Variants in WDR86 observed in about 807,000 individuals in gnomAD.
WDR86 encodes WD repeat-containing protein 86.
Under a neutral mutation model 36.5 loss-of-function variants are expected in WDR86, and 30 were observed. That is an observed-to-expected ratio of 0.82 (90% confidence interval 0.61 to 1.11). The LOEUF (loss-of-function observed/expected upper bound fraction) is 1.11. Ranked by LOEUF, WDR86 falls within the 50% of genes most tolerant of loss-of-function variation. The pLI is 0.00. For missense variants in WDR86, 545 were observed against 561.2 expected, an observed-to-expected ratio of 0.97 and a Z score of 0.29; for synonymous variants, 255 against 252.9, an observed-to-expected ratio of 1.01 and a Z score of -0.08.
At position 151,401,742 on chromosome 7, in the gene WDR86, G is replaced by A. The variant is rs1012165180; in HGVS notation, c.164-1501C>T. 8.6e-5 allele frequency among the ~76,000 whole-genome samples: 13 copies of A among 151,800 alleles called. No individual in the cohort carries two copies. The highest frequency in any genetic ancestry group is 2.4e-4 in the African/African-American group (10 of 41,322). On this transcript the variant is annotated intron_variant, in intron 1 of 5. Coordinates refer to ENST00000334493, the MANE Select transcript of WDR86 (RefSeq NM_198285.3). This position sits in a 1 kb window ranked among gnomAD's most constrained non-coding sequence, Gnocchi z 4.3. ...CTGGGGAGATTATCCTAGATTATCC[G>A]GGGGGTCCTAAATACAACCGCAAGT...
Position 151,409,908 on chromosome 7 carries a change from C to G in WDR86, c.-319G>C, listed in dbSNP as rs1801088436. 1 of 1,113,382 alleles carries G rather than the reference C, an allele frequency of 9.0e-7. No individual in the cohort carries two copies. The highest frequency in any genetic ancestry group is 1.6e-5 in the African/African-American group (1 of 61,432). 69.0% of individuals were successfully genotyped at this position (1,113,382 alleles called of 1,614,324 possible). A position where few individuals can be genotyped will look rare whatever the true frequency, so the allele number is the denominator to read the frequency against. On this transcript the variant is annotated 5_prime_UTR_variant, in exon 1 of 6. Coordinates refer to ENST00000334493, the MANE Select transcript of WDR86 (RefSeq NM_198285.3). This position sits in a 1 kb window ranked among gnomAD's most constrained non-coding sequence, Gnocchi z 5.2. ...GAGGATCCACACCCCACCGGGCGAA[C>G]AAGGCAGCTGCGTCTCTGGTGCACA... is the stretch of plus-strand genomic sequence containing the variant.
chr7:151,383,430 C>A (rs542974236), intron 4 of WDR86, among the ~76,000 whole-genome samples: 1 of 149,424 alleles, frequency 6.7e-6, no homozygotes, highest in African/African-American at 2.5e-5. Context: ...GCCTAGACTG[C>A]GCCATTTCAC....
rs1444221177 is a variant in WDR86, at chr7:151,406,269, G to A, written c.163+3158C>T. Among the ~76,000 whole-genome samples the A allele has an allele frequency of 3.3e-5, 5 of 152,238 alleles. No individual in the cohort carries two copies. Among genetic ancestry groups the A allele is most frequent in the East Asian group, 1.9e-4 (1 of 5,164 alleles). ...ACCAACCCCGCACGCCACAGGGAAC[G>A]GCCTTCACTCTTCCTCTCCCTCTCA... On this transcript the variant is annotated intron_variant, in intron 1 of 5. Coordinates refer to ENST00000334493, the MANE Select transcript of WDR86 (RefSeq NM_198285.3). This position sits in a 1 kb window ranked among gnomAD's most constrained non-coding sequence, Gnocchi z 4.4.
Position 151,401,309 on chromosome 7 carries a change from C to G in WDR86, c.164-1068G>C, listed in dbSNP as rs1481885219. Among the ~76,000 whole-genome samples, 2 of 152,216 alleles carry G rather than the reference C, an allele frequency of 1.3e-5. No homozygotes were observed. The highest frequency in any genetic ancestry group is 2.9e-5 in the Non-Finnish European group (2 of 68,042). ...TTCTGTTAAACTAAGAAGACAAGAA[C>G]TGAGGTTTCACAGCAGCCATCAACA... On this transcript the variant is annotated intron_variant, in intron 1 of 5. Transcript: ENST00000334493. This position sits in a 1 kb window ranked among gnomAD's most constrained non-coding sequence, Gnocchi z 4.3.
intron 1 of WDR86, among the ~76,000 whole-genome samples, chr7:151,408,193 T>C (rs1455594739): frequency 7.1e-6 from 1 of 141,706 alleles, no homozygotes; most frequent in Non-Finnish European, 1.5e-5. Flanking sequence ...TTTTTTCTTT[T>C]CTTTTCTTTT....
chr7:151,386,703 A>G (rs1268660139), intron 3 of WDR86, among the ~76,000 whole-genome samples: 1 of 152,140 alleles, frequency 6.6e-6, no homozygotes. Flanking sequence ...CCTGCCGGGC[A>G]CACAGTCAGC....
chr7:151,375,745 C>A, downstream of WDR86: 1 of 751,330 alleles, frequency 1.3e-6, no homozygotes, highest in Non-Finnish European at 2.4e-6. Flanking sequence ...CTCATAGCAG[C>A]AGAGGACGGC....
rs546552199 is a variant in WDR86, at chr7:151,376,092, C to A, written n.1198G>T. ...AGGTGTAACCTGCCCACCTCAGAGG[C>A]CACCCACGCAGTAACAGAGGGCAGG... On this transcript the variant is annotated non_coding_transcript_exon_variant, in exon 2 of 2. Transcript: ENST00000463000. 2.0e-4 allele frequency: 128 copies of A among 637,086 alleles called. 2 individuals are homozygous for A. In the African/African-American group the frequency reaches 2.0e-3, roughly 10 times the overall value. The allele number at this position is 637,086 out of a possible 1,614,324, so 39.5% of individuals were successfully genotyped here. A position where few individuals can be genotyped will look rare whatever the true frequency, so the allele number is the denominator to read the frequency against.
At chr7:151,391,049 C>T (rs1799397712) in intron 3 of WDR86, among the ~76,000 whole-genome samples, 1 of 152,244 alleles carries the variant, frequency 6.6e-6, no homozygotes, top group Non-Finnish European at 1.5e-5. Flanking sequence ...TCCTGTGGGT[C>T]CCCCTCCTGT....
Position 151,390,290 on chromosome 7 carries a change from A to ACC in WDR86, c.727-5069_727-5068dup, listed in dbSNP as rs1047191354. On this transcript the variant is annotated intron_variant, in intron 3 of 5. Transcript: ENST00000334493. The surrounding 1 kb of genome is among the most constrained non-coding windows in gnomAD (Gnocchi z 4.5). ...AGACCAAGCCCAGAGCTCACTGCAC[A>ACC]CCCCCCACATCAGGACCCCATCTGG... Among the ~76,000 whole-genome samples the ACC allele has an allele frequency of 6.6e-6, 1 of 151,260 alleles. No individual in the cohort carries two copies. The highest frequency in any genetic ancestry group is 2.4e-5 in the African/African-American group (1 of 41,064).
At chr7:151,392,437 C>T (rs902492666) in intron 3 of WDR86, among the ~76,000 whole-genome samples, 1 of 152,192 alleles carries the variant, frequency 6.6e-6, no homozygotes, top group Non-Finnish European at 1.5e-5. Flanking sequence ...GTAAAATGGA[C>T]CCTGCCCCAG....
Position 151,401,824 on chromosome 7 carries a change from T to TTTG in WDR86, c.164-1584_164-1583insCAA, listed in dbSNP as rs1350652945. ...CAGCACTTTGGGAGGCCGAGGCGGGTGGATCACAAGGTCAGGAGTTCAAGA... is the reference window on the plus strand; with the variant it reads ...CAGCACTTTGGGAGGCCGAGGCGGGTTTGGGATCACAAGGTCAGGAGTTCAAGA... On this transcript the variant is annotated intron_variant, in intron 1 of 5. Coordinates refer to ENST00000334493, the MANE Select transcript of WDR86 (RefSeq NM_198285.3). This position sits in a 1 kb window ranked among gnomAD's most constrained non-coding sequence, Gnocchi z 4.3. 4.0e-5 allele frequency among the ~76,000 whole-genome samples: 6 copies of TTTG among 150,510 alleles called. No individual in the cohort carries two copies. The highest frequency in any genetic ancestry group is 8.9e-5 in the Non-Finnish European group (6 of 67,642).
chr7:151,374,531 G>T, downstream of WDR86: 1 of 485,620 alleles, frequency 2.1e-6, no homozygotes, highest in Non-Finnish European at 3.7e-6. Flanking sequence ...GTGTGCAGCA[G>T]AGTTTAGTGA....
intron 2 of WDR86, 127 bp from the exon 3 acceptor site, chr7:151,396,323 C>T (rs757873292): frequency 4.9e-5 from 54 of 1,102,298 alleles, no homozygotes; most frequent in Non-Finnish European, 7.0e-5. Flanking sequence ...CAGCTTGCCA[C>T]ACTCGTCTTC....
chr7:151,395,204 C>T (rs925957527), intron 3 of WDR86, among the ~76,000 whole-genome samples: 2 of 152,184 alleles, frequency 1.3e-5, no homozygotes, highest in Admixed American at 1.3e-4. Context: ...AGGCTGCCGG[C>T]GTTCACCCTG....
chr7:151,375,771 C>A, downstream of WDR86: 2 of 968,868 alleles, frequency 2.1e-6, no homozygotes, highest in Non-Finnish European at 3.3e-6. Context: ...CTGCCTAGCA[C>A]ATGGCAGGGT....
chr7:151,387,346 T>C (rs761227300), intron 3 of WDR86, among the ~76,000 whole-genome samples: 8 of 152,120 alleles, frequency 5.3e-5, no homozygotes, highest in Non-Finnish European at 8.8e-5. Flanking sequence ...ACACAGGGCC[T>C]GTGAGCACTG....
At chr7:151,382,739 C>G (rs1459296626) in intron 4 of WDR86, among the ~76,000 whole-genome samples, 5 of 152,188 alleles carry the variant, frequency 3.3e-5, no homozygotes, top group Non-Finnish European at 5.9e-5. Context: ...GACCCTGATG[C>G]TAGGACTTGA....
chr7:151,395,671 A>C, intron 3 of WDR86, 105 bp downstream of exon 3: 17 of 1,311,308 alleles, frequency 1.3e-5, no homozygotes, highest in Non-Finnish European at 1.7e-5. Flanking sequence ...CCCCATCTGC[A>C]GCGCTTTGTT....
Sources: allele counts gnomAD v4.1 joint callset (sites outside exome capture counted in the v4.1 genomes callset), GRCh38; gene constraint gnomAD v4.1.1; non-coding constraint Gnocchi (gnomAD v3.1); transcripts MANE v1.5; gene names NCBI Gene and HGNC (gene_info 2026-07-23, HGNC 2026-07-21).